The following SLX9 variants were observed in gnomAD, a reference collection of about 807,000 sequenced individuals.
SLX9 encodes ribosome biogenesis protein SLX9 homolog.
In SLX9, 19 loss-of-function variants were observed where a neutral mutation model predicts 20.8. That is an observed-to-expected ratio of 0.91 (90% CI 0.64 to 1.34). The LOEUF is 1.34. Among genes scored for constraint, SLX9 ranks in the 40% most tolerant of loss-of-function variants. The pLI is 0.00. For synonymous variants in SLX9, 113 were observed against 137.1 expected (o/e 0.82, Z 1.23); for missense variants, 299 against 322.2 (o/e 0.93, Z 0.55).
chr21:44,965,180 A>G (rs1426471372), intron 3 of SLX9, among the ~76,000 whole-genome samples: 1 of 152,226 alleles, frequency 6.6e-6, no homozygotes, highest in Non-Finnish European at 1.5e-5. Flanking sequence ...ATCCCGTTGA[A>G]ATTTTAGCTG....
chr21:44,956,828 G>C (rs1007185815), intron 2 of SLX9, among the ~76,000 whole-genome samples: 3 of 152,332 alleles, frequency 2.0e-5, no homozygotes, highest in African/African-American at 4.8e-5. Context: ...AGTTGCCTGC[G>C]GCACAGGCGT....
At chr21:44,962,137 A>G (rs1263828004) in intron 3 of SLX9, among the ~76,000 whole-genome samples, 2 of 152,254 alleles carry the variant, frequency 1.3e-5, no homozygotes, top group African/African-American at 4.8e-5. Flanking sequence ...TAATTCTGCT[A>G]GAGTTCATGG....
At position 44,973,289 on chromosome 21, in the gene SLX9, CAG is replaced by C. The variant is rs531307038; in HGVS notation, c.569+25_569+26del. The C allele has an allele frequency of 8.6e-5, 139 of 1,610,282 alleles. No homozygotes were observed. The African/African-American group carries it at 1.5e-3, about 17-fold the overall frequency. On this transcript the variant is annotated intron_variant, in intron 5 of 5. Coordinates refer to ENST00000291634, the MANE Select transcript of SLX9 (RefSeq NM_058190.4). ...CTGTGAGTGCACCTGCCCACCTCCTCAGGGGTTCAGCTCCTGAGTGCCCTCAC... is the reference window on the plus strand; with the variant it reads ...CTGTGAGTGCACCTGCCCACCTCCTCGGGTTCAGCTCCTGAGTGCCCTCAC...
intron 2 of SLX9, among the ~76,000 whole-genome samples, chr21:44,950,853 G>A (rs1014170099): frequency 2.6e-5 from 4 of 152,178 alleles, no homozygotes; most frequent in Non-Finnish European, 5.9e-5. Flanking sequence ...TCTGCGAAAG[G>A]GGGGTGTCGG....
At chr21:44,950,506 C>T (rs7348995) in intron 2 of SLX9, among the ~76,000 whole-genome samples, 111 of 152,340 alleles carry the variant, frequency 7.3e-4, no homozygotes, top group African/African-American at 2.4e-3. Context: ...TGCGCTCCTG[C>T]AGAGAGTGTG....
chr21:44,944,232 C>T lies in SLX9; in HGVS notation c.283+395C>T, dbSNP rs146407269. ...TGTGTTGCAGAGGTTAGCTGCTTATCATTTTGTACAAATAACTCTTGAGGG... is the reference window on the plus strand; with the variant it reads ...TGTGTTGCAGAGGTTAGCTGCTTATTATTTTGTACAAATAACTCTTGAGGG... On this transcript the variant is annotated intron_variant, in intron 2 of 5. Coordinates refer to ENST00000291634, the MANE Select transcript of SLX9 (RefSeq NM_058190.4). Among the ~76,000 whole-genome samples the T allele has an allele frequency of 7.4e-4, 112 of 152,340 alleles. No homozygotes were observed. In the Middle Eastern group the frequency reaches 0.014, roughly 19 times the overall value.
chr21:44,958,238 G>A (rs545689087), intron 2 of SLX9: 1 of 152,546 alleles, frequency 6.6e-6, no homozygotes, highest in African/African-American at 2.4e-5. Flanking sequence ...TGTAGTGCTG[G>A]TGCTGCTGGG....
Position 44,959,169 on chromosome 21 carries a change from C to T in SLX9, c.284-931C>T, listed in dbSNP as rs565036876. On this transcript the variant is annotated intron_variant, in intron 2 of 5. Coordinates refer to ENST00000291634, the MANE Select transcript of SLX9 (RefSeq NM_058190.4). The stretch of plus-strand genomic sequence containing the variant: ...CTGAAGTGAAGTCTGAAATGCAGAG[C>T]GCAGCGACTGCCTTTCTCCAGGCAG... 2.2e-4 allele frequency: 217 copies of T among 977,892 alleles called. 1 individual carries two copies. The highest frequency in any genetic ancestry group is 1.8e-3 in the Admixed American group (30 of 16,270). The allele number at this position is 977,892 out of a possible 1,614,324, so 60.6% of individuals were successfully genotyped here.
At position 44,943,806 on chromosome 21, in the gene SLX9, G is replaced by C. The variant is rs200952167; in HGVS notation, c.252G>C (p.Ser84=). ...VTSVRRGEAG[S]SARSVPSIRR... ...CCGTCAGGAGAGGTGAGGCAGGCTC[G>C]AGTGCACGGAGCGTCCCTTCCATCA... Residue 84 remains serine, a synonymous_variant, in exon 2 of 6, where the codon TCG becomes TCC. Transcript: ENST00000291634. 6.8e-6 allele frequency: 11 copies of C among 1,613,154 alleles called. No individual in the cohort carries two copies. The Admixed American group carries it at 1.8e-4, about 27-fold the overall frequency.
At chr21:44,946,796 C>T (rs1301591713) in intron 2 of SLX9, among the ~76,000 whole-genome samples, 1 of 152,222 alleles carries the variant, frequency 6.6e-6, no homozygotes, top group African/African-American at 2.4e-5. Context: ...GGGTTTTCTG[C>T]ACTGAAGAGC....
chr21:44,955,363 G>A (rs576477873), intron 2 of SLX9, among the ~76,000 whole-genome samples: 3 of 152,240 alleles, frequency 2.0e-5, no homozygotes, highest in African/African-American at 4.8e-5. Flanking sequence ...GCCCACCAGC[G>A]CTCCGAGGGA....
At chr21:44,975,234 C>T (rs551961672) in intron 5 of SLX9, among the ~76,000 whole-genome samples, 1 of 152,326 alleles carries the variant, frequency 6.6e-6, no homozygotes, top group African/African-American at 2.4e-5. Flanking sequence ...TCATGCTCCC[C>T]TGGGGGCTTC....
At chr21:44,964,391 G>A (rs904098084) in intron 3 of SLX9, among the ~76,000 whole-genome samples, 4 of 151,926 alleles carry the variant, frequency 2.6e-5, no homozygotes, top group Non-Finnish European at 5.9e-5. Context: ...ATCTGCACGC[G>A]CCACCCCACC....
At chr21:44,941,863 T>G (rs2146602156) in intron 1 of SLX9, among the ~76,000 whole-genome samples, 1 of 152,320 alleles carries the variant, frequency 6.6e-6, no homozygotes, top group Admixed American at 6.5e-5. Flanking sequence ...AGCAACACCC[T>G]TAGGCGTGAG....
chr21:44,954,288 GAGGGGAGC>G lies in SLX9; in HGVS notation c.284-5809_284-5802del, dbSNP rs149579259. 4.6e-3 allele frequency among the ~76,000 whole-genome samples: 704 copies of G among 152,286 alleles called. 8 individuals are homozygous for G. The highest frequency in any genetic ancestry group is 0.016 in the African/African-American group (678 of 41,546). On this transcript the variant is annotated intron_variant, in intron 2 of 5. Coordinates refer to ENST00000291634, the MANE Select transcript of SLX9 (RefSeq NM_058190.4). ...TGCGTCTTCTGGCCGGTGGGTTGCT[GAGGGGAGC>G]AGAGGGGCCGAGCGTTGTGTGGGTG... is the stretch of plus-strand genomic sequence containing the variant.
chr21:44,964,547 G>C (rs1468262044), intron 3 of SLX9, among the ~76,000 whole-genome samples: 3 of 152,188 alleles, frequency 2.0e-5, no homozygotes, highest in African/African-American at 7.2e-5. Flanking sequence ...TGCCCAGGTA[G>C]CGCCTCTATG....
At chr21:44,968,029 GGGCCC>G (rs58297890) in intron 4 of SLX9, among the ~76,000 whole-genome samples, 11,670 of 150,982 alleles carry the variant, frequency 0.077, 1,493 homozygotes, top group African/African-American at 0.27. Context: ...GGTGGGTTCT[GGGCCC>G]TTAGTGCATG....
chr21:44,970,829 A>G (rs546103602), intron 4 of SLX9, among the ~76,000 whole-genome samples: 1 of 152,200 alleles, frequency 6.6e-6, no homozygotes, highest in Admixed American at 6.5e-5. Flanking sequence ...TCCTTGTGGA[A>G]CCCAAGCATT....
At chr21:44,965,363 C>A (rs1201650730) in intron 3 of SLX9, among the ~76,000 whole-genome samples, 2 of 152,160 alleles carry the variant, frequency 1.3e-5, no homozygotes, top group Non-Finnish European at 1.5e-5. Context: ...TGCCTCGCTC[C>A]CTCCCTCCCC....
Sources: gnomAD v4.1 joint callset for allele counts (sites outside exome capture counted in the v4.1 genomes callset) on GRCh38, gnomAD v4.1.1 for gene constraint, MANE v1.5 for transcripts, NCBI Gene and HGNC (gene_info 2026-07-23, HGNC 2026-07-21) for gene names.